The following SEMA3E variants were observed in gnomAD, a reference collection of about 807,000 sequenced individuals.
The protein encoded by SEMA3E is semaphorin-3E.
A neutral mutation model predicts 93.6 loss-of-function variants in SEMA3E; 49 were observed. The ratio of observed to expected loss-of-function variants is 0.52; its 90% CI spans 0.42 to 0.66. The LOEUF (loss-of-function observed/expected upper bound fraction) is 0.66. Among genes scored for constraint, SEMA3E ranks in the 30% least tolerant of loss-of-function variants. SEMA3E has a pLI of 0.00. For missense variants in SEMA3E, 906 were observed against 964.8 expected (o/e 0.94, Z 0.81); for synonymous variants, 363 against 330.7 (o/e 1.10, Z -1.06).
intron 1 of SEMA3E, among the ~76,000 whole-genome samples, chr7:83,551,937 C>T (rs570462735): frequency 6.2e-4 from 95 of 152,172 alleles, no homozygotes; most frequent in East Asian, 1.2e-3. Context: ...CACTATTAGA[C>T]GCACTCTAAC....
intron 1 of SEMA3E, among the ~76,000 whole-genome samples, chr7:83,503,932 G>A (rs1790646843): frequency 6.6e-6 from 1 of 152,034 alleles, no homozygotes; most frequent in Admixed American, 6.6e-5. Flanking sequence ...GATGTTACAG[G>A]ATCACAGCAA....
intron 1 of SEMA3E, among the ~76,000 whole-genome samples, chr7:83,640,934 G>A (rs1793996974): frequency 6.6e-6 from 1 of 151,858 alleles, no homozygotes; most frequent in Non-Finnish European, 1.5e-5. Context: ...GGAGGAGGAG[G>A]AGAGGAAGAA....
At chr7:83,369,086 A>G (rs367719488) in intron 16 of SEMA3E, among the ~76,000 whole-genome samples, 5 of 152,308 alleles carry the variant, frequency 3.3e-5, no homozygotes, top group African/African-American at 1.2e-4. Flanking sequence ...ACCAAAAACA[A>G]TCATGTTTTC....
chr7:83,620,883 A>G (rs923227677), intron 1 of SEMA3E, among the ~76,000 whole-genome samples: 4 of 152,128 alleles, frequency 2.6e-5, no homozygotes, highest in Non-Finnish European at 5.9e-5. Flanking sequence ...CCCACAACCA[A>G]TATCATATTG....
chr7:83,584,332 CTCTG>C (rs1419960053), intron 1 of SEMA3E, among the ~76,000 whole-genome samples: 3 of 152,086 alleles, frequency 2.0e-5, no homozygotes, highest in African/African-American at 7.2e-5. Context: ...AAGTTGTGCA[CTCTG>C]TCTATTGTCT....
chr7:83,379,269 G>A (rs1787727520), intron 16 of SEMA3E, among the ~76,000 whole-genome samples: 1 of 151,330 alleles, frequency 6.6e-6, no homozygotes, highest in African/African-American at 2.4e-5. Flanking sequence ...GGTAGATGAG[G>A]ATCGAAAAAT....
intron 1 of SEMA3E, among the ~76,000 whole-genome samples, chr7:83,497,370 T>C (rs896568692): frequency 2.0e-5 from 3 of 152,158 alleles, no homozygotes; most frequent in Admixed American, 1.3e-4. Flanking sequence ...CACCGTCACC[T>C]GCCAAGTAAA....
intron 4 of SEMA3E, among the ~76,000 whole-genome samples, chr7:83,438,566 A>G (rs1482241217): frequency 1.3e-5 from 2 of 152,148 alleles, no homozygotes; most frequent in Non-Finnish European, 2.9e-5. Flanking sequence ...TTTATAGAAA[A>G]CAATAGTAGT....
At chr7:83,513,789 A>G (rs1156550818) in intron 1 of SEMA3E, among the ~76,000 whole-genome samples, 1 of 152,186 alleles carries the variant, frequency 6.6e-6, no homozygotes, top group Non-Finnish European at 1.5e-5. Flanking sequence ...TATGCTTCAA[A>G]TAAATGCCGT....
chr7:83,435,392 G>A (rs779831332), intron 4 of SEMA3E, among the ~76,000 whole-genome samples: 2 of 152,014 alleles, frequency 1.3e-5, no homozygotes, highest in Non-Finnish European at 1.5e-5. Flanking sequence ...TCAGGAGTTC[G>A]AGACCAGCCT....
intron 1 of SEMA3E, among the ~76,000 whole-genome samples, chr7:83,628,797 A>G (rs760270870): frequency 3.3e-5 from 5 of 151,616 alleles, no homozygotes; most frequent in Non-Finnish European, 5.9e-5. Flanking sequence ...AATTAATCAA[A>G]CTCATTCTCC....
intron 1 of SEMA3E, among the ~76,000 whole-genome samples, chr7:83,626,236 G>A (rs1793664449): frequency 6.6e-6 from 1 of 152,134 alleles, no homozygotes; most frequent in African/African-American, 2.4e-5. Flanking sequence ...GAGTTAGGGA[G>A]GAGTCCCTCT....
chr7:83,413,031 AAAT>A (rs1391093354), intron 5 of SEMA3E, among the ~76,000 whole-genome samples: 3 of 152,178 alleles, frequency 2.0e-5, no homozygotes, highest in African/African-American at 4.8e-5. Flanking sequence ...ATGTGAAAGA[AAAT>A]AAGACAATCA....
At chr7:83,613,438 A>C (rs2115593634) in intron 1 of SEMA3E, among the ~76,000 whole-genome samples, 1 of 152,214 alleles carries the variant, frequency 6.6e-6, no homozygotes, top group African/African-American at 2.4e-5. Context: ...ATGTGAAATG[A>C]CTACTGTTTT....
Position 83,396,710 on chromosome 7 carries a change from T to A in SEMA3E, c.1386A>T (p.Lys462Asn). 6.3e-7 allele frequency: 1 copy of A among 1,599,672 alleles called. No homozygotes were observed. Among genetic ancestry groups the A allele is most frequent in the Non-Finnish European group, 8.6e-7 (1 of 1,168,622 alleles). ...TTTCTTGGTTGTAAATTGTGATTAC[T>A]TTCAGCACAATTCCATTATCTGTAA... The part of the protein sequence containing the change: ...FIGTDNGIVL[K>N]VITIYNQEME... The change falls in exon 12 of 17, where the codon AAA becomes AAT. Residue 462 changes from lysine (K) to asparagine (N), a missense_variant. Coordinates refer to ENST00000643230, the MANE Select transcript of SEMA3E (RefSeq NM_012431.3).
chr7:83,532,808 A>G (rs1430538472), intron 1 of SEMA3E, among the ~76,000 whole-genome samples: 3 of 152,096 alleles, frequency 2.0e-5, no homozygotes, highest in African/African-American at 4.8e-5. Context: ...GAAAACAGCA[A>G]CAAAAAACAA....
intron 1 of SEMA3E, among the ~76,000 whole-genome samples, chr7:83,534,218 T>C (rs1361016061): frequency 6.6e-6 from 1 of 152,178 alleles, no homozygotes. Context: ...TATTTTCTGA[T>C]TTATTCTATC....
At chr7:83,469,398 C>CATTT in intron 2 of SEMA3E, 96 bp from the exon 3 acceptor site, 3 of 598,302 alleles carry the variant, frequency 5.0e-6, no homozygotes, top group Non-Finnish European at 8.6e-6. Flanking sequence ...AAAACATTTC[C>CATTT]TTTTTTTTTT....
chr7:83,638,798 C>T (rs538007), intron 1 of SEMA3E, among the ~76,000 whole-genome samples: 29,759 of 151,942 alleles, frequency 0.2, 3,673 homozygotes, highest in African/African-American at 0.35. Flanking sequence ...CACTAAGAAT[C>T]ACACACAGGA....
Sources: allele counts gnomAD v4.1 joint callset (sites outside exome capture counted in the v4.1 genomes callset), GRCh38; gene constraint gnomAD v4.1.1; transcripts MANE v1.5; gene names NCBI Gene and HGNC (gene_info 2026-07-23, HGNC 2026-07-21).